Variants in ANKRD12 observed in about 807,000 individuals in gnomAD.
ANKRD12 encodes the protein ankyrin repeat domain-containing protein 12.
A neutral mutation model predicts 183.4 loss-of-function variants in ANKRD12; 85 were observed. The observed-to-expected ratio is 0.46, with a 90% CI of 0.39 to 0.56. ANKRD12 has a LOEUF of 0.56. ANKRD12 is among the 20% of genes least tolerant of loss of function. The pLI is 0.00. For synonymous variants in ANKRD12, 914 were observed against 800.2 expected (o/e 1.14, Z -2.40); for missense variants, 2,405 against 2,357.1 (o/e 1.02, Z -0.42).
At chr18:9,246,511 A>T (rs960606707) in intron 8 of ANKRD12, among the ~76,000 whole-genome samples, 1 of 152,154 alleles carries the variant, frequency 6.6e-6, no homozygotes, top group Non-Finnish European at 1.5e-5. Flanking sequence ...GATGGTTTCC[A>T]CTGCCCTTAT....
chr18:9,179,862 TAATTA>T (rs1244468478), intron 1 of ANKRD12, among the ~76,000 whole-genome samples: 2 of 152,228 alleles, frequency 1.3e-5, no homozygotes, highest in Admixed American at 6.5e-5. Flanking sequence ...TGTATGGTTT[TAATTA>T]AATTTGTTAA....
intron 10 of ANKRD12, 74 bp downstream of exon 10, chr18:9,263,962 T>C: frequency 8.8e-7 from 1 of 1,139,918 alleles, no homozygotes; most frequent in Non-Finnish European, 1.2e-6. Flanking sequence ...GGCCTATAAT[T>C]TTTTATTAGT....
intron 7 of ANKRD12, among the ~76,000 whole-genome samples, chr18:9,220,875 A>T (rs2144740803): frequency 6.6e-6 from 1 of 152,312 alleles, no homozygotes; most frequent in African/African-American, 2.4e-5. Flanking sequence ...ATTGGTTTAG[A>T]TCTTTTCAGG....
chr18:9,234,581 A>G (rs1006161308), intron 8 of ANKRD12, among the ~76,000 whole-genome samples: 6 of 152,114 alleles, frequency 3.9e-5, no homozygotes, highest in African/African-American at 7.2e-5. Context: ...CTGTGCCACT[A>G]TAGTCCTCTG....
chr18:9,208,173 T>C (rs1435603503), intron 4 of ANKRD12, among the ~76,000 whole-genome samples: 4 of 152,204 alleles, frequency 2.6e-5, no homozygotes, highest in African/African-American at 9.6e-5. Context: ...TCGATAGTTG[T>C]TCTGTGTGAT....
At chr18:9,179,937 A>C (rs2033578014) in intron 1 of ANKRD12, among the ~76,000 whole-genome samples, 1 of 152,238 alleles carries the variant, frequency 6.6e-6, no homozygotes. Flanking sequence ...TGCTCTTGAA[A>C]GAGTATTCTG....
chr18:9,148,578 A>G (rs1033935047), intron 1 of ANKRD12, among the ~76,000 whole-genome samples: 6 of 152,138 alleles, frequency 3.9e-5, no homozygotes, highest in Non-Finnish European at 8.8e-5. Context: ...ATAAATGCTA[A>G]TTGCTTAAAT....
In ANKRD12 at chr18:9,255,208, T is replaced by C; in HGVS notation, c.1941T>C (p.Gly647=). Residue 647 remains glycine, a synonymous_variant, in exon 9 of 13, where the codon GGT becomes GGC. Transcript: ENST00000262126. ...DCTLKKMDKE[G]KTLKKHKLKH... ...CACTGAAAAAAATGGATAAAGAAGG[T>C]AAAACATTAAAAAAACATAAATTGA... 6 of 1,564,628 alleles carry C rather than the reference T, an allele frequency of 3.8e-6. No homozygotes were observed. The highest frequency in any genetic ancestry group is 4.3e-6 in the Non-Finnish European group (5 of 1,163,066).
At chr18:9,206,582 T>C (rs1473538921) in intron 4 of ANKRD12, among the ~76,000 whole-genome samples, 1 of 152,120 alleles carries the variant, frequency 6.6e-6, no homozygotes, top group Admixed American at 6.5e-5. Flanking sequence ...CTTACTTTGC[T>C]GTCTCATGCA....
chr18:9,229,613 T>C (rs2036926768), intron 8 of ANKRD12, among the ~76,000 whole-genome samples: 1 of 152,204 alleles, frequency 6.6e-6, no homozygotes, highest in African/African-American at 2.4e-5. Context: ...GCTGTTTCAT[T>C]ATTGGTGTGT....
At chr18:9,196,108 AACAC>A (rs36156556) in intron 3 of ANKRD12, among the ~76,000 whole-genome samples, 3,069 of 64,054 alleles carry the variant, frequency 0.048, 154 homozygotes, top group African/African-American at 0.11. Context: ...GAAACATGCA[AACAC>A]ACACACACAC....
intron 10 of ANKRD12, among the ~76,000 whole-genome samples, chr18:9,270,823 T>A (rs2039563090): frequency 1.3e-5 from 2 of 152,158 alleles, no homozygotes; most frequent in Non-Finnish European, 2.9e-5. Context: ...AATAAAAAAA[T>A]GATACATCTT....
intron 8 of ANKRD12, among the ~76,000 whole-genome samples, chr18:9,230,855 A>G (rs1032905582): frequency 2.0e-5 from 3 of 150,888 alleles, no homozygotes; most frequent in Non-Finnish European, 4.4e-5. Context: ...TTTAGTAGAG[A>G]TGGGGTTTCA....
chr18:9,211,487 G>GA, intron 5 of ANKRD12, 97 bp from the exon 6 acceptor site: 1 of 1,109,056 alleles, frequency 9.0e-7, no homozygotes, highest in Non-Finnish European at 1.3e-6. Context: ...GGCATTCCTT[G>GA]TGTTTCAGGA....
chr18:9,264,011 G>T, intron 10 of ANKRD12, 123 bp downstream of exon 10: 4 of 935,478 alleles, frequency 4.3e-6, no homozygotes, highest in Admixed American at 4.0e-5. Context: ...GAAGTGATTT[G>T]GTTTTATCTT....
intron 8 of ANKRD12, among the ~76,000 whole-genome samples, chr18:9,233,559 G>A (rs1388823830): frequency 2.0e-5 from 3 of 152,040 alleles, no homozygotes; most frequent in Non-Finnish European, 2.9e-5. Context: ...TTTTGAGTTT[G>A]CTTTCATAGG....
intron 2 of ANKRD12, among the ~76,000 whole-genome samples, chr18:9,186,136 G>GTTTTTTTTTTTTTTTTT (rs1280812557): frequency 2.2e-4 from 31 of 141,920 alleles, no homozygotes; most frequent in South Asian, 6.6e-4. Flanking sequence ...CTAAAAGTGT[G>GTTTTTTTTTTTTTTTTT]ATTTTTTTTT....
chr18:9,239,356 G>C (rs182415765), intron 8 of ANKRD12: 3 of 202,602 alleles, frequency 1.5e-5, no homozygotes, highest in African/African-American at 7.0e-5. Flanking sequence ...CACGGAAGAA[G>C]GGAGGTATTT....
At chr18:9,234,755 G>C (rs1375941448) in intron 8 of ANKRD12, among the ~76,000 whole-genome samples, 1 of 152,156 alleles carries the variant, frequency 6.6e-6, no homozygotes, top group South Asian at 2.1e-4. Flanking sequence ...GTGACCCAGT[G>C]CAAGTTCCCT....
Sources: gnomAD v4.1 joint callset for allele counts (sites outside exome capture counted in the v4.1 genomes callset) on GRCh38, gnomAD v4.1.1 for gene constraint, MANE v1.5 for transcripts, NCBI Gene and HGNC (gene_info 2026-07-23, HGNC 2026-07-21) for gene names.